The following FSD1L variants were observed in gnomAD, a reference collection of about 807,000 sequenced individuals.
FSD1L encodes the protein FSD1-like protein.
Under a neutral mutation model 71.6 loss-of-function variants are expected in FSD1L, and 45 were observed. The observed-to-expected ratio is 0.63, with a 90% CI of 0.49 to 0.81. The LOEUF is 0.81. FSD1L is among the 30% of genes least tolerant of loss of function. The pLI is 0.00. For missense variants in FSD1L, 561 were observed against 618.1 expected (o/e 0.91, Z 0.98); for synonymous variants, 197 against 207.2 (o/e 0.95, Z 0.42).
At chr9:105,465,016 T>C (rs1830964847) in intron 3 of FSD1L, among the ~76,000 whole-genome samples, 1 of 152,092 alleles carries the variant, frequency 6.6e-6, no homozygotes, top group African/African-American at 2.4e-5. Context: ...AGGGGTCTAC[T>C]TGTAGAAGTA....
At chr9:105,471,665 G>A (rs1831468876) in intron 4 of FSD1L, among the ~76,000 whole-genome samples, 1 of 148,906 alleles carries the variant, frequency 6.7e-6, no homozygotes, top group African/African-American at 2.5e-5. Flanking sequence ...TATGGCAAGA[G>A]GTACAAAGTA....
At chr9:105,538,574 G>A (rs1389859768) in intron 12 of FSD1L, among the ~76,000 whole-genome samples, 1 of 152,114 alleles carries the variant, frequency 6.6e-6, no homozygotes, top group East Asian at 1.9e-4. Flanking sequence ...GCCAGTTTAG[G>A]AGGTCAGACA....
intron 10 of FSD1L, among the ~76,000 whole-genome samples, chr9:105,519,841 C>CA (rs1835002197): frequency 6.6e-6 from 1 of 152,112 alleles, no homozygotes; most frequent in African/African-American, 2.4e-5. Context: ...TGGAGACGAG[C>CA]GGCGGCGGCA....
intron 4 of FSD1L, 76 bp downstream of exon 4, chr9:105,468,400 T>C (rs1018253292): frequency 8.5e-7 from 1 of 1,179,170 alleles, no homozygotes; most frequent in African/African-American, 1.6e-5. Flanking sequence ...CAAAAATTAA[T>C]GAATTTCTAA....
At chr9:105,524,260 C>T in intron 10 of FSD1L, 2 of 1,612,450 alleles carry the variant, frequency 1.2e-6, no homozygotes, top group Non-Finnish European at 8.5e-7. Flanking sequence ...GCCCACGTAG[C>T]TTGTAACATG....
chr9:105,525,177 C>T (rs3852400), intron 10 of FSD1L: 26,896 of 1,589,684 alleles, frequency 0.017, 290 homozygotes, highest in Non-Finnish European at 0.019. Flanking sequence ...GAAGAGCCTC[C>T]GACATCTAAT....
intron 5 of FSD1L, among the ~76,000 whole-genome samples, chr9:105,478,521 G>A (rs1318092967): frequency 6.6e-6 from 1 of 152,106 alleles, no homozygotes; most frequent in East Asian, 1.9e-4. Context: ...TAACTGTACT[G>A]GTTACTGTGG....
intron 6 of FSD1L, among the ~76,000 whole-genome samples, chr9:105,483,065 A>G (rs540047539): frequency 4.6e-5 from 7 of 152,292 alleles, no homozygotes; most frequent in African/African-American, 1.4e-4. Flanking sequence ...TTTTATTGAA[A>G]TTGTATTATT....
intron 7 of FSD1L, among the ~76,000 whole-genome samples, chr9:105,487,584 G>A (rs913616252): frequency 5.9e-5 from 9 of 152,082 alleles, no homozygotes; most frequent in Admixed American, 5.2e-4. Flanking sequence ...TCATGGGATT[G>A]TTAGTCTTTT....
At chr9:105,461,683 G>T (rs756582829) in intron 2 of FSD1L, 68 bp downstream of exon 2, 97 of 916,774 alleles carry the variant, frequency 1.1e-4, no homozygotes, top group Non-Finnish European at 1.5e-4. Context: ...GCATTTAGAT[G>T]TCTTTGACTA....
At chr9:105,479,788 A>T (rs1475079392) in intron 6 of FSD1L, among the ~76,000 whole-genome samples, 1 of 152,198 alleles carries the variant, frequency 6.6e-6, no homozygotes, top group Non-Finnish European at 1.5e-5. Flanking sequence ...TCAAGAACTA[A>T]AGCGCTCCTA....
intron 1 of FSD1L, among the ~76,000 whole-genome samples, chr9:105,453,363 A>T (rs1830168828): frequency 6.6e-6 from 1 of 151,692 alleles, no homozygotes; most frequent in Non-Finnish European, 1.5e-5. Context: ...TTAAATTTTT[A>T]GTGGAGATGG....
intron 5 of FSD1L, among the ~76,000 whole-genome samples, chr9:105,474,022 T>G (rs1358158900): frequency 6.6e-6 from 1 of 152,230 alleles, no homozygotes; most frequent in Non-Finnish European, 1.5e-5. Flanking sequence ...TTTGGAGATG[T>G]GGTGAAATGA....
At chr9:105,508,561 T>A (rs1834206012) in intron 8 of FSD1L, 56 bp from the exon 9 acceptor site, 5 of 989,812 alleles carry the variant, frequency 5.1e-6, no homozygotes, top group African/African-American at 1.6e-5. Context: ...ACTCTTACTT[T>A]TGGGAATAGA....
At chr9:105,461,829 C>T (rs538207094) in intron 2 of FSD1L, among the ~76,000 whole-genome samples, 1 of 152,138 alleles carries the variant, frequency 6.6e-6, no homozygotes, top group East Asian at 1.9e-4. Context: ...GCCTGGGCAA[C>T]ATAGTGAGAC....
chr9:105,470,591 T>G (rs1262083744), intron 4 of FSD1L, among the ~76,000 whole-genome samples: 1 of 152,090 alleles, frequency 6.6e-6, no homozygotes, highest in East Asian at 1.9e-4. Flanking sequence ...TGTGTGTTGA[T>G]TTGAGTTATA....
intron 6 of FSD1L, among the ~76,000 whole-genome samples, chr9:105,483,720 T>TA (rs1319663625): frequency 6.6e-6 from 1 of 152,200 alleles, no homozygotes; most frequent in Non-Finnish European, 1.5e-5. Flanking sequence ...GAATTCCTGT[T>TA]ACTTCCATGG....
chr9:105,466,792 A>C (rs1038374826), intron 3 of FSD1L, among the ~76,000 whole-genome samples: 6 of 152,196 alleles, frequency 3.9e-5, no homozygotes, highest in Non-Finnish European at 7.3e-5. Flanking sequence ...CATGGCTATA[A>C]AGCTCTTGAT....
At chr9:105,530,344 A>G (rs182975723) in intron 10 of FSD1L, among the ~76,000 whole-genome samples, 2 of 152,246 alleles carry the variant, frequency 1.3e-5, no homozygotes, top group Admixed American at 1.3e-4. Flanking sequence ...AAAACTTATT[A>G]TAAGTTGTTT....
Sources: gnomAD v4.1 joint callset for allele counts (sites outside exome capture counted in the v4.1 genomes callset) on GRCh38, gnomAD v4.1.1 for gene constraint, MANE v1.5 for transcripts, NCBI Gene and HGNC (gene_info 2026-07-23, HGNC 2026-07-21) for gene names.